The following PARD3 variants were observed in gnomAD, a reference collection of about 807,000 sequenced individuals.
PARD3 encodes the protein partitioning defective 3 homolog.
A neutral mutation model predicts 155.4 loss-of-function variants in PARD3; 75 were observed. That is an observed-to-expected ratio of 0.48 (90% CI 0.40 to 0.58). The LOEUF is 0.58. PARD3 is among the 20% of genes least tolerant of loss of function. PARD3 has a pLI of 0.00. For missense variants in PARD3, 1,642 were observed against 1,721.7 expected, an observed-to-expected ratio of 0.95 and a Z score of 0.82; for synonymous variants, 576 against 610.5, an observed-to-expected ratio of 0.94 and a Z score of 0.83.
chr10:34,479,821 C>A (rs1406445347), intron 3 of PARD3, among the ~76,000 whole-genome samples: 1 of 152,136 alleles, frequency 6.6e-6, no homozygotes, highest in Non-Finnish European at 1.5e-5. Flanking sequence ...GTATTTGTGT[C>A]CTGGCACCAA....
At chr10:34,586,872 C>G (rs1386030076) in intron 2 of PARD3, among the ~76,000 whole-genome samples, 1 of 151,986 alleles carries the variant, frequency 6.6e-6, no homozygotes, top group Non-Finnish European at 1.5e-5. Context: ...TCGCTTGAAC[C>G]CAGGAGGCAG....
intron 1 of PARD3, among the ~76,000 whole-genome samples, chr10:34,759,244 C>A (rs775898723): frequency 6.6e-6 from 1 of 151,344 alleles, no homozygotes; most frequent in Non-Finnish European, 1.5e-5. Flanking sequence ...TGGCTCAGAA[C>A]AGGGTATGCA....
intron 1 of PARD3, among the ~76,000 whole-genome samples, chr10:34,706,840 G>A (rs1213938558): frequency 6.6e-6 from 1 of 152,100 alleles, no homozygotes; most frequent in Non-Finnish European, 1.5e-5. Context: ...AGGTGTTGTG[G>A]CTCACGCCTC....
At chr10:34,782,258 A>G (rs1245170105) in intron 1 of PARD3, among the ~76,000 whole-genome samples, 1 of 152,216 alleles carries the variant, frequency 6.6e-6, no homozygotes, top group Non-Finnish European at 1.5e-5. Flanking sequence ...GAAGAGAGCT[A>G]TACCTGTAAG....
chr10:34,142,958 G>T (rs901272841), intron 22 of PARD3, among the ~76,000 whole-genome samples: 1 of 152,118 alleles, frequency 6.6e-6, no homozygotes, highest in African/African-American at 2.4e-5. Flanking sequence ...AAGAGCAAAT[G>T]AAATTCAATG....
chr10:34,790,836 C>G (rs1336273394), intron 1 of PARD3, among the ~76,000 whole-genome samples: 1 of 151,904 alleles, frequency 6.6e-6, no homozygotes, highest in Non-Finnish European at 1.5e-5. Flanking sequence ...TGAAAGAAAC[C>G]AAAAAAATGG....
intron 1 of PARD3, among the ~76,000 whole-genome samples, chr10:34,724,394 A>C (rs529163880): frequency 6.6e-6 from 1 of 152,318 alleles, no homozygotes; most frequent in South Asian, 2.1e-4. Flanking sequence ...GTTCTCTTAC[A>C]TAACTAAAGA....
At chr10:34,331,042 C>T in intron 19 of PARD3, 75 bp downstream of exon 19, 1 of 1,140,608 alleles carries the variant, frequency 8.8e-7, no homozygotes. Flanking sequence ...TAGAAAACTC[C>T]AGGGCTCCCT....
intron 22 of PARD3, among the ~76,000 whole-genome samples, chr10:34,205,437 A>G (rs1951425024): frequency 6.6e-6 from 1 of 152,204 alleles, no homozygotes; most frequent in African/African-American, 2.4e-5. Flanking sequence ...ATTCAAATCT[A>G]TCTGCAGTGT....
At chr10:34,628,940 G>T (rs2092124726) in intron 2 of PARD3, among the ~76,000 whole-genome samples, 1 of 152,176 alleles carries the variant, frequency 6.6e-6, no homozygotes, top group Non-Finnish European at 1.5e-5. Context: ...CTTCAAATAT[G>T]ATTTTTTAAA....
At chr10:34,456,779 T>C (rs999972760) in intron 4 of PARD3, among the ~76,000 whole-genome samples, 1 of 152,218 alleles carries the variant, frequency 6.6e-6, no homozygotes, top group African/African-American at 2.4e-5. Flanking sequence ...TTATCCATAG[T>C]TCTTAAAACT....
At chr10:34,691,973 C>T (rs1223924929) in intron 2 of PARD3, among the ~76,000 whole-genome samples, 1 of 152,238 alleles carries the variant, frequency 6.6e-6, no homozygotes, top group Non-Finnish European at 1.5e-5. Context: ...TGGCCCACGC[C>T]TGTAATCCCA....
intron 24 of PARD3, among the ~76,000 whole-genome samples, chr10:34,116,988 G>A (rs564986989): frequency 1.3e-5 from 2 of 152,286 alleles, no homozygotes; most frequent in African/African-American, 2.4e-5. Context: ...AAGGTTCGGC[G>A]GGAATGCATG....
intron 2 of PARD3, among the ~76,000 whole-genome samples, chr10:34,533,074 T>C (rs776805447): frequency 1.1e-4 from 17 of 152,178 alleles, no homozygotes; most frequent in Non-Finnish European, 1.6e-4. Flanking sequence ...TCTAAACGTA[T>C]CTAACCAAAG....
At chr10:34,677,722 C>A (rs1451649421) in intron 2 of PARD3, among the ~76,000 whole-genome samples, 2 of 152,146 alleles carry the variant, frequency 1.3e-5, no homozygotes, top group Non-Finnish European at 2.9e-5. Flanking sequence ...CACTCTTCTC[C>A]GGGCAGGGGG....
intron 2 of PARD3, among the ~76,000 whole-genome samples, chr10:34,686,810 A>G (rs188181748): frequency 2.2e-4 from 34 of 152,158 alleles, no homozygotes; most frequent in African/African-American, 6.7e-4. Flanking sequence ...GCACTTTGGG[A>G]GGCTGAGGAG....
At chr10:34,414,696 T>C (rs996467325) in intron 5 of PARD3, among the ~76,000 whole-genome samples, 5 of 151,808 alleles carry the variant, frequency 3.3e-5, no homozygotes, top group Non-Finnish European at 5.9e-5. Context: ...CTATTATATA[T>C]TTCAAAATAG....
intron 2 of PARD3, among the ~76,000 whole-genome samples, chr10:34,650,350 T>C (rs1470487147): frequency 6.6e-6 from 1 of 152,250 alleles, no homozygotes; most frequent in Non-Finnish European, 1.5e-5. Flanking sequence ...AGTTCCATTA[T>C]AATCTGACGG....
intron 24 of PARD3, among the ~76,000 whole-genome samples, chr10:34,115,020 C>A (rs1274831611): frequency 6.6e-6 from 1 of 152,162 alleles, no homozygotes; most frequent in Non-Finnish European, 1.5e-5. Flanking sequence ...CAACCACCTC[C>A]AACATGGCCT....
Sources: allele counts gnomAD v4.1 joint callset (sites outside exome capture counted in the v4.1 genomes callset), GRCh38; gene constraint gnomAD v4.1.1; transcripts MANE v1.5; gene names NCBI Gene and HGNC (gene_info 2026-07-23, HGNC 2026-07-21).